The following FOXP2 variants were observed in gnomAD, a reference collection of about 807,000 sequenced individuals.
FOXP2 encodes the protein forkhead box protein P2.
A neutral mutation model predicts 115.8 loss-of-function variants in FOXP2; 12 were observed. That is an observed-to-expected ratio of 0.10 (90% confidence interval 0.07 to 0.17). The LOEUF is 0.17. Ranked by LOEUF, FOXP2 falls within the 10% of genes least tolerant of loss-of-function variation. FOXP2 has a pLI of 1.00. For missense variants in FOXP2, 629 were observed against 843.5 expected (o/e 0.75, Z 3.15); for synonymous variants, 328 against 297.7 (o/e 1.10, Z -1.05).
intron 2 of FOXP2, among the ~76,000 whole-genome samples, chr7:114,298,522 C>T (rs1193326855): frequency 6.6e-6 from 1 of 152,208 alleles, no homozygotes; most frequent in Non-Finnish European, 1.5e-5. Flanking sequence ...CATTAGCTGA[C>T]TTAATATTCC....
chr7:114,223,609 G>A (rs1185930280), intron 1 of FOXP2, among the ~76,000 whole-genome samples: 1 of 147,556 alleles, frequency 6.8e-6, no homozygotes, highest in Non-Finnish European at 1.5e-5. Context: ...ACATTCTCAC[G>A]GTTTATGGTG....
chr7:114,461,950 C>T (rs959438051), intron 2 of FOXP2, among the ~76,000 whole-genome samples: 2 of 152,056 alleles, frequency 1.3e-5, no homozygotes, highest in Non-Finnish European at 2.9e-5. Flanking sequence ...CAGATGTTAG[C>T]TCTGGTTTCT....
In FOXP2 at chr7:114,124,689, T is replaced by C. The variant is rs377043562; in HGVS notation, c.-247+36851T>C. 3.3e-5 allele frequency among the ~76,000 whole-genome samples: 5 copies of C among 152,122 alleles called. No homozygotes were observed. The East Asian group carries it at 9.7e-4, about 29-fold the overall frequency. ...CTTATTAAATGCAACATCTAAATAG[T>C]ATACATTTTCTTCTCATCCTCATCC... On this transcript the variant is annotated intron_variant, in intron 1 of 19. Coordinates refer to the FOXP2 transcript ENST00000635638.
At chr7:114,290,865 G>A (rs1279432481) in intron 2 of FOXP2, among the ~76,000 whole-genome samples, 1 of 152,116 alleles carries the variant, frequency 6.6e-6, no homozygotes, top group Non-Finnish European at 1.5e-5. Flanking sequence ...ATTTAATACA[G>A]TTGAATTGAG....
intron 2 of FOXP2, among the ~76,000 whole-genome samples, chr7:114,511,270 G>A (rs1798058411): frequency 1.3e-5 from 2 of 152,012 alleles, no homozygotes; most frequent in Admixed American, 6.6e-5. Flanking sequence ...CTGGTTGATG[G>A]GTGTAGCAAA....
intron 3 of FOXP2, among the ~76,000 whole-genome samples, chr7:114,621,397 T>C (rs779310870): frequency 1.3e-5 from 2 of 152,064 alleles, no homozygotes; most frequent in African/African-American, 2.4e-5. Flanking sequence ...ACATTACTAT[T>C]GTTAATTGTA....
At chr7:114,642,812 A>ATATATATTTTTTTTTT (rs1308357594) in intron 7 of FOXP2, among the ~76,000 whole-genome samples, 189 bp downstream of exon 7, 4 of 72,430 alleles carry the variant, frequency 5.5e-5, no homozygotes, top group African/African-American at 1.4e-4. Context: ...ATATATATAT[A>ATATATATTTTTTTTTT]TTTTTTTTTT....
intron 2 of FOXP2, among the ~76,000 whole-genome samples, chr7:114,334,638 GAA>G (rs544207722): frequency 0.018 from 1,769 of 99,698 alleles, 24 homozygotes; most frequent in South Asian, 0.044. Flanking sequence ...AAAAAAAGAA[GAA>G]GGAAAAAAAA....
chr7:114,247,488 C>A (rs1043660930), intron 1 of FOXP2, among the ~76,000 whole-genome samples: 4 of 151,938 alleles, frequency 2.6e-5, no homozygotes, highest in Admixed American at 6.6e-5. Context: ...TTTTTATATC[C>A]CTCCCTTCTC....
chr7:114,170,251 A>G (rs1336310082), intron 1 of FOXP2, among the ~76,000 whole-genome samples: 1 of 152,148 alleles, frequency 6.6e-6, no homozygotes, highest in Non-Finnish European at 1.5e-5. Flanking sequence ...CAGCAAACTT[A>G]ATTGGTAAAT....
intron 1 of FOXP2, among the ~76,000 whole-genome samples, chr7:114,147,776 T>C (rs930309793): frequency 6.6e-6 from 1 of 152,154 alleles, no homozygotes; most frequent in Non-Finnish European, 1.5e-5. Flanking sequence ...TCTGCCTGCA[T>C]CTTAAGAGTA....
At chr7:114,597,806 C>A (rs902089951) in intron 3 of FOXP2, among the ~76,000 whole-genome samples, 28 of 152,104 alleles carry the variant, frequency 1.8e-4, no homozygotes, top group African/African-American at 6.3e-4. Flanking sequence ...GCTATTTCAA[C>A]CAGCAAGCAT....
intron 1 of FOXP2, among the ~76,000 whole-genome samples, chr7:114,258,624 A>G (rs1292190566): frequency 6.6e-6 from 1 of 152,220 alleles, no homozygotes; most frequent in Non-Finnish European, 1.5e-5. Flanking sequence ...TATCATAACT[A>G]TTCATTTTAC....
intron 3 of FOXP2, among the ~76,000 whole-genome samples, chr7:114,559,757 C>T (rs1472507120): frequency 4.6e-5 from 7 of 152,002 alleles, no homozygotes; most frequent in African/African-American, 1.4e-4. Flanking sequence ...GGCGTGGTGG[C>T]CGGCGCCTGT....
chr7:114,148,427 T>C (rs2129148389), intron 1 of FOXP2, among the ~76,000 whole-genome samples: 1 of 152,284 alleles, frequency 6.6e-6, no homozygotes. Context: ...TTGTTCTTTG[T>C]AGGCAACGTT....
chr7:114,581,683 A>T lies in FOXP2; in HGVS notation c.259-46857A>T, dbSNP rs117358651. Among the ~76,000 whole-genome samples, 1,196 of 152,342 alleles carry T rather than the reference A, an allele frequency of 7.9e-3. 8 individuals are homozygous for T. Among genetic ancestry groups the T allele is most frequent in the Non-Finnish European group, 0.013 (853 of 68,034 alleles). On this transcript the variant is annotated intron_variant, in intron 3 of 16. Transcript: ENST00000350908. The stretch of plus-strand genomic sequence containing the variant: ...GGTGTTGTACATTCTATGGGTTTGG[A>T]CAAATACATGATGACATGTATCCAC...
chr7:114,303,305 G>A (rs1328907913), intron 2 of FOXP2, among the ~76,000 whole-genome samples: 1 of 152,076 alleles, frequency 6.6e-6, no homozygotes, highest in African/African-American at 2.4e-5. Flanking sequence ...TACAAAAAAA[G>A]GTATGATTGA....
At chr7:114,122,461 A>G (rs1428613378) in intron 1 of FOXP2, among the ~76,000 whole-genome samples, 2 of 151,254 alleles carry the variant, frequency 1.3e-5, no homozygotes, top group Non-Finnish European at 2.9e-5. Flanking sequence ...ATGAAATACA[A>G]CCTTCATGTT....
chr7:114,646,033 AG>A (rs1805862018), intron 8 of FOXP2, among the ~76,000 whole-genome samples: 1 of 134,944 alleles, frequency 7.4e-6, no homozygotes, highest in Non-Finnish European at 1.6e-5. Flanking sequence ...AAAAAATGTT[AG>A]GTAGCTTTGC....
Sources: gnomAD v4.1 joint callset for allele counts (sites outside exome capture counted in the v4.1 genomes callset) on GRCh38, gnomAD v4.1.1 for gene constraint, MANE v1.5 for transcripts, NCBI Gene and HGNC (gene_info 2026-07-23, HGNC 2026-07-21) for gene names.